C6orf89: variants seen among roughly 807,000 people sequenced by gnomAD.
C6orf89 encodes the protein chromosome 6 open reading frame 89.
A neutral mutation model predicts 40.7 loss-of-function variants in C6orf89; 29 were observed. The observed-to-expected ratio is 0.71, with a 90% CI of 0.53 to 0.97. The LOEUF (loss-of-function observed/expected upper bound fraction) is 0.97. C6orf89 is among the 50% of genes least tolerant of loss of function. The pLI, the probability that C6orf89 is intolerant of heterozygous loss-of-function variation, is 0.00. For synonymous variants in C6orf89, 165 were observed against 152.2 expected, an observed-to-expected ratio of 1.08 and a Z score of -0.62; for missense variants, 392 against 429.1, an observed-to-expected ratio of 0.91 and a Z score of 0.76.
At chr6:36,898,695 A>G (rs1027686980) in intron 2 of C6orf89, among the ~76,000 whole-genome samples, 3 of 152,228 alleles carry the variant, frequency 2.0e-5, no homozygotes, top group African/African-American at 7.2e-5. Flanking sequence ...AAATAACTAT[A>G]GGAACACAAA....
At chr6:36,913,941 A>G (rs941244608) in intron 4 of C6orf89, among the ~76,000 whole-genome samples, 2 of 152,078 alleles carry the variant, frequency 1.3e-5, no homozygotes, top group Non-Finnish European at 2.9e-5. Flanking sequence ...TGGGCAGATC[A>G]TGTGAGCCCA....
chr6:36,907,231 CTATCCTTTT>C (rs1375134167), intron 4 of C6orf89, among the ~76,000 whole-genome samples: 1 of 152,208 alleles, frequency 6.6e-6, no homozygotes, highest in Non-Finnish European at 1.5e-5. Context: ...TCTTTCTTCC[CTATCCTTTT>C]TATCCAGAGG....
intron 4 of C6orf89, among the ~76,000 whole-genome samples, chr6:36,904,446 A>T (rs1418791603): frequency 6.6e-6 from 1 of 152,124 alleles, no homozygotes. Context: ...TGCTGTTTTT[A>T]CTTGTAAATG....
chr6:36,902,469 T>G (rs778704764), intron 4 of C6orf89, 35 bp downstream of exon 4: 19 of 1,587,408 alleles, frequency 1.2e-5, no homozygotes, highest in Non-Finnish European at 1.6e-5. Context: ...TTAGATATAG[T>G]TTTCTTGACA....
chr6:36,917,919 C>T (rs566563554), intron 7 of C6orf89, among the ~76,000 whole-genome samples: 1 of 152,194 alleles, frequency 6.6e-6, no homozygotes, highest in Non-Finnish European at 1.5e-5. Context: ...CAAATGCTTA[C>T]GAGAGTCATG....
chr6:36,888,934 A>G (rs115517257), intron 1 of C6orf89, among the ~76,000 whole-genome samples: 3 of 152,294 alleles, frequency 2.0e-5, no homozygotes, highest in African/African-American at 7.2e-5. Flanking sequence ...TTGAAGGGGA[A>G]AACAGTAAGT....
chr6:36,920,839 G>T (rs1305422938), intron 8 of C6orf89, among the ~76,000 whole-genome samples: 2 of 152,146 alleles, frequency 1.3e-5, no homozygotes, highest in Non-Finnish European at 2.9e-5. Flanking sequence ...GCATGTGGTT[G>T]TGCTTGAACA....
At position 36,926,559 on chromosome 6, in the gene C6orf89, A is replaced by G. The variant is rs573426862; in HGVS notation, c.*3118A>G. 1.5e-4 allele frequency: 20 copies of G among 133,760 alleles called. No individual in the cohort carries two copies. The East Asian group carries it at 3.2e-3, about 22-fold the overall frequency. 8.3% of individuals were successfully genotyped at this position (133,760 alleles called of 1,614,324 possible). On this transcript the variant is annotated 3_prime_UTR_variant, in exon 9 of 9. Transcript: ENST00000480824. ...GGAAAGGAAAGAAAAGAAAAAAAAAAAGAGAGAGAGAAAAGAAGAGGGGAG... is the reference window on the plus strand; with the variant it reads ...GGAAAGGAAAGAAAAGAAAAAAAAAGAGAGAGAGAGAAAAGAAGAGGGGAG...
At chr6:36,883,788 T>C (rs1201017594), upstream of C6orf89, among the ~76,000 whole-genome samples, 1 of 152,222 alleles carries the variant, frequency 6.6e-6, no homozygotes, top group Non-Finnish European at 1.5e-5. Flanking sequence ...AGGCAATAAT[T>C]TGAAATGTCT....
At position 36,926,560 on chromosome 6, in the gene C6orf89, AGAGAGAG is replaced by A. The variant is rs1185012100; in HGVS notation, c.*3120_*3126del. ...GAAAGGAAAGAAAAGAAAAAAAAAAAGAGAGAGAGAAAAGAAGAGGGGAGGGGAGGGA... is the reference window on the plus strand; with the variant it reads ...GAAAGGAAAGAAAAGAAAAAAAAAAAAGAAAAGAAGAGGGGAGGGGAGGGA... On this transcript the variant is annotated 3_prime_UTR_variant, in exon 9 of 9. Transcript: ENST00000480824. 1 of 66,996 alleles carries A rather than the reference AGAGAGAG, an allele frequency of 1.5e-5. No individual in the cohort carries two copies. The highest frequency in any genetic ancestry group is 1.0e-4 in the African/African-American group (1 of 9,640). The allele number at this position is 66,996 out of a possible 1,614,324, so 4.2% of individuals were successfully genotyped here.
At chr6:36,909,133 G>A (rs1762029848) in intron 4 of C6orf89, among the ~76,000 whole-genome samples, 1 of 149,712 alleles carries the variant, frequency 6.7e-6, no homozygotes, top group Non-Finnish European at 1.5e-5. Context: ...TATATTAGTT[G>A]ATTCTGTGAC....
At chr6:36,900,900 G>A (rs1460432923) in intron 3 of C6orf89, among the ~76,000 whole-genome samples, 4 of 151,986 alleles carry the variant, frequency 2.6e-5, no homozygotes, top group Non-Finnish European at 1.5e-5. Flanking sequence ...AGGCTGGAGT[G>A]CAATGGTGTG....
upstream of C6orf89, chr6:36,885,923 G>T (rs938956058): frequency 8.3e-6 from 9 of 1,080,276 alleles, no homozygotes; most frequent in Non-Finnish European, 1.1e-5. Context: ...AGGAGTGGGG[G>T]GTTGCTTCCG....
At chr6:36,894,642 A>C in intron 2 of C6orf89, 39 bp downstream of exon 2, 1 of 783,994 alleles carries the variant, frequency 1.3e-6, no homozygotes, top group Non-Finnish European at 1.5e-6. Context: ...AAGTCAGGAC[A>C]CTTGGGTTCA....
intron 8 of C6orf89, among the ~76,000 whole-genome samples, chr6:36,922,157 G>T (rs1406911359): frequency 6.6e-6 from 1 of 151,980 alleles, no homozygotes; most frequent in African/African-American, 2.4e-5. Flanking sequence ...GCCAAGAGAT[G>T]ATGAAACCCC....
At chr6:36,886,545 T>C (rs1028264793) in intron 1 of C6orf89, among the ~76,000 whole-genome samples, 5 of 152,252 alleles carry the variant, frequency 3.3e-5, no homozygotes, top group African/African-American at 1.2e-4. Flanking sequence ...AATAGTTGTT[T>C]GTAATCACCT....
At chr6:36,901,903 C>G (rs545724688) in intron 3 of C6orf89, among the ~76,000 whole-genome samples, 1 of 151,956 alleles carries the variant, frequency 6.6e-6, no homozygotes, top group East Asian at 1.9e-4. Flanking sequence ...GATCTCCTGA[C>G]CTCATGATCT....
At chr6:36,874,034 C>T (rs1413231523) in intron 1 of C6orf89, among the ~76,000 whole-genome samples, 1 of 152,218 alleles carries the variant, frequency 6.6e-6, no homozygotes, top group Non-Finnish European at 1.5e-5. Flanking sequence ...CAAGGTGAGA[C>T]GAGCACACCA....
intron 4 of C6orf89, among the ~76,000 whole-genome samples, chr6:36,909,901 C>A (rs777379489): frequency 6.6e-5 from 10 of 151,914 alleles, no homozygotes; most frequent in Non-Finnish European, 1.0e-4. Flanking sequence ...TCCTTTATAG[C>A]CTCTAGGAAG....
Sources: allele counts gnomAD v4.1 joint callset (sites outside exome capture counted in the v4.1 genomes callset), GRCh38; gene constraint gnomAD v4.1.1; transcripts MANE v1.5; gene names NCBI Gene and HGNC (gene_info 2026-07-23, HGNC 2026-07-21).